COL4A1: variants seen among roughly 807,000 people sequenced by gnomAD.
COL4A1 encodes the protein collagen type IV alpha 1 chain.
COL4A1 carries 40 observed loss-of-function variants against 216.6 expected under a neutral mutation model. The observed-to-expected ratio is 0.18, with a 90% CI of 0.14 to 0.24. The LOEUF (loss-of-function observed/expected upper bound fraction) is 0.24. Ranked by LOEUF, COL4A1 falls within the 10% of genes least tolerant of loss-of-function variation. COL4A1 has a pLI of 1.00. For synonymous variants in COL4A1, 839 were observed against 810.7 expected, an observed-to-expected ratio of 1.03 and a Z score of -0.59; for missense variants, 1,628 against 2,196.8, an observed-to-expected ratio of 0.74 and a Z score of 5.18.
chr13:110,298,162 C>T (rs1468851883), intron 1 of COL4A1, among the ~76,000 whole-genome samples: 1 of 151,812 alleles, frequency 6.6e-6, no homozygotes, highest in African/African-American at 2.4e-5. Context: ...GTTTTAAAAG[C>T]CTAAATTCCT....
Position 110,211,505 on chromosome 13 carries a change from T to C in COL4A1, c.468+142A>G. ...AGTTTGTGGGTTACTTGTACAGTCT[T>C]TTCATGTAACAGAGTTTAGGGAAGT... is the stretch of plus-strand genomic sequence containing the variant. On this transcript the variant is annotated intron_variant, in intron 8 of 51. Transcript: ENST00000375820. This position sits in a 1 kb window ranked among gnomAD's most constrained non-coding sequence, Gnocchi z 4.3. 1.4e-6 allele frequency: 1 copy of C among 714,362 alleles called. No individual in the cohort carries two copies. The highest frequency in any genetic ancestry group is 2.2e-6 in the Non-Finnish European group (1 of 447,228). The allele number at this position is 714,362 out of a possible 1,614,324, so 44.3% of individuals were successfully genotyped here.
At chr13:110,296,817 G>A (rs1344320006) in intron 1 of COL4A1, among the ~76,000 whole-genome samples, 2 of 152,176 alleles carry the variant, frequency 1.3e-5, no homozygotes, top group African/African-American at 4.8e-5. Context: ...CCTGGGGTTT[G>A]ATTAACCTGC....
In COL4A1 at chr13:110,211,761, T is replaced by G. The variant is rs115723247; in HGVS notation, c.442-88A>C. Reference sequence around the variant, plus strand: ...TTATCATGTAATATTATATATAAAATATAAGTTATTAAAACATAAGCAAAG... The same window carrying G: ...TTATCATGTAATATTATATATAAAAGATAAGTTATTAAAACATAAGCAAAG... On this transcript the variant is annotated intron_variant, in intron 7 of 51. Coordinates refer to ENST00000375820, the MANE Select transcript of COL4A1 (RefSeq NM_001845.6). The surrounding 1 kb of genome is among the most constrained non-coding windows in gnomAD (Gnocchi z 4.3). The G allele has an allele frequency of 5.5e-6, 8 of 1,456,074 alleles. No individual in the cohort carries two copies. The African/African-American group carries it at 1.1e-4, about 21-fold the overall frequency. The allele number at this position is 1,456,074 out of a possible 1,614,324, so 90.2% of individuals were successfully genotyped here.
chr13:110,166,085 C>T, intron 45 of COL4A1, 147 bp downstream of exon 45: 1 of 728,370 alleles, frequency 1.4e-6, no homozygotes, highest in African/African-American at 1.7e-5. Context: ...TCTTGACTTG[C>T]TGCAAAGAAT....
chr13:110,241,752 A>T (rs957970290), intron 2 of COL4A1, among the ~76,000 whole-genome samples: 2 of 152,236 alleles, frequency 1.3e-5, no homozygotes, highest in African/African-American at 4.8e-5. Flanking sequence ...AAAAGAAACC[A>T]CAGAATTTTC....
chr13:110,257,084 A>G (rs1394629872), intron 1 of COL4A1, among the ~76,000 whole-genome samples: 1 of 152,198 alleles, frequency 6.6e-6, no homozygotes, highest in African/African-American at 2.4e-5. Flanking sequence ...ACTACTTATA[A>G]AAGATAGATT....
intron 1 of COL4A1, among the ~76,000 whole-genome samples, chr13:110,291,620 C>G (rs984318115): frequency 1.3e-5 from 2 of 152,192 alleles, no homozygotes; most frequent in African/African-American, 4.8e-5. Context: ...ATGGCCTTCA[C>G]TAATTGTGCA....
At chr13:110,204,597 C>A (rs1879401576) in intron 17 of COL4A1, among the ~76,000 whole-genome samples, 1 of 148,228 alleles carries the variant, frequency 6.7e-6, no homozygotes, top group Admixed American at 6.8e-5. Flanking sequence ...AAAAATAAAG[C>A]AATAATGAGG....
At chr13:110,152,137 A>G (rs1445893056) in intron 51 of COL4A1, among the ~76,000 whole-genome samples, 197 bp downstream of exon 51, 10 of 152,168 alleles carry the variant, frequency 6.6e-5, no homozygotes, top group Non-Finnish European at 2.9e-5. Flanking sequence ...TCTTCGGTAA[A>G]TGAAAAAATT....
intron 1 of COL4A1, among the ~76,000 whole-genome samples, chr13:110,263,144 G>C (rs57409672): frequency 0.034 from 5,192 of 152,264 alleles, 249 homozygotes; most frequent in African/African-American, 0.11. Flanking sequence ...AATACACAGT[G>C]TATCCTCTCC....
intron 13 of COL4A1, 55 bp from the exon 14 acceptor site, chr13:110,206,946 T>C (rs573165905): frequency 8.9e-6 from 14 of 1,573,754 alleles, no homozygotes; most frequent in South Asian, 2.3e-5. Context: ...TCATTTGTTA[T>C]ATGCTGCATT....
intron 8 of COL4A1, among the ~76,000 whole-genome samples, chr13:110,210,638 TG>T (rs1291890032): frequency 6.6e-6 from 1 of 152,226 alleles, no homozygotes; most frequent in Non-Finnish European, 1.5e-5. Context: ...AAATTTTATC[TG>T]CCAACTTGGC....
At chr13:110,296,276 T>C (rs905136199) in intron 1 of COL4A1, among the ~76,000 whole-genome samples, 3 of 152,248 alleles carry the variant, frequency 2.0e-5, no homozygotes, top group African/African-American at 7.2e-5. Flanking sequence ...AAGGGCTCCA[T>C]CTTGGAATAC....
chr13:110,263,131 A>C (rs543118380), intron 1 of COL4A1, among the ~76,000 whole-genome samples: 1 of 152,330 alleles, frequency 6.6e-6, no homozygotes, highest in East Asian at 1.9e-4. Context: ...ACTCAAAGCC[A>C]AGAATACACA....
intron 1 of COL4A1, among the ~76,000 whole-genome samples, chr13:110,257,012 G>A (rs549930633): frequency 6.6e-6 from 1 of 152,228 alleles, no homozygotes; most frequent in South Asian, 2.1e-4. Context: ...AAACTAAAGT[G>A]TAGTTTTCAT....
chr13:110,239,321 T>C (rs1471272346), intron 2 of COL4A1, among the ~76,000 whole-genome samples: 2 of 152,234 alleles, frequency 1.3e-5, no homozygotes, highest in East Asian at 3.8e-4. Context: ...GTACTGGAGA[T>C]ATTCCAGTTT....
intron 22 of COL4A1, among the ~76,000 whole-genome samples, chr13:110,194,815 A>G (rs1293564805): frequency 3.3e-5 from 5 of 152,202 alleles, no homozygotes; most frequent in African/African-American, 4.8e-5. Context: ...TCTGACTTTC[A>G]GGGCTGTCTC....
At chr13:110,283,358 T>G (rs1883714653) in intron 1 of COL4A1, among the ~76,000 whole-genome samples, 2 of 152,236 alleles carry the variant, frequency 1.3e-5, no homozygotes, top group South Asian at 4.1e-4. Context: ...AAGTGGCTAA[T>G]AAGCCAAATG....
At chr13:110,236,850 T>C (rs1594078023) in intron 2 of COL4A1, among the ~76,000 whole-genome samples, 1 of 152,272 alleles carries the variant, frequency 6.6e-6, no homozygotes, top group East Asian at 1.9e-4. Flanking sequence ...CAATCCAGAA[T>C]GGGGTGGGAT....
Sources: allele counts gnomAD v4.1 joint callset (sites outside exome capture counted in the v4.1 genomes callset), GRCh38; gene constraint gnomAD v4.1.1; non-coding constraint Gnocchi (gnomAD v3.1); transcripts MANE v1.5; gene names NCBI Gene and HGNC (gene_info 2026-07-23, HGNC 2026-07-21).